Variants in NRAP observed in about 807,000 individuals in gnomAD.
NRAP encodes the protein nebulin-related-anchoring protein.
NRAP carries 189 observed loss-of-function variants against 225.9 expected under a neutral mutation model. That is an observed-to-expected ratio of 0.84 (90% CI 0.74 to 0.94). The LOEUF (loss-of-function observed/expected upper bound fraction) is 0.94. Ranked by LOEUF, NRAP falls within the 40% of genes least tolerant of loss-of-function variation. The pLI, the probability that NRAP is intolerant of heterozygous loss-of-function variation, is 0.00. For synonymous variants in NRAP, 769 were observed against 790.7 expected (o/e 0.97, Z 0.46); for missense variants, 2,176 against 2,168.7 (o/e 1.00, Z -0.07).
chr10:113,631,552 G>C lies in NRAP; in HGVS notation c.1799C>G (p.Ser600Cys). The change falls in exon 18 of 42, where the codon TCT becomes TGT. Residue 600 changes from serine to cysteine, a missense_variant. By Grantham distance (112) the Ser-to-Cys change is moderately radical. Transcript: ENST00000359988. ...AATCTGCAGGGAGTGCAGAAGCCTA[G>C]AGTCGGCTGTTCCCATGGCTTTGCC... ...TKGKAMGTAD[S>C]RLLHSLQIAK... is the part of the protein sequence containing the mutation. 1 of 1,613,332 alleles carries C rather than the reference G, an allele frequency of 6.2e-7. No individual in the cohort carries two copies. Among genetic ancestry groups the C allele is most frequent in the Non-Finnish European group, 8.5e-7 (1 of 1,179,508 alleles).
At position 113,615,771 on chromosome 10, in the gene NRAP, G is replaced by A; in HGVS notation, c.3019C>T (p.Pro1007Ser). 1 of 1,610,866 alleles carries A rather than the reference G, an allele frequency of 6.2e-7. No homozygotes were observed. Among genetic ancestry groups the A allele is most frequent in the Non-Finnish European group, 8.5e-7 (1 of 1,177,042 alleles). ...QGENIKHHYTPTADLPEVLLA... is the reference protein window; with the variant it reads ...QGENIKHHYTSTADLPEVLLA... ...AGGACTTCAGGGAGGTCAGCAGTCG[G>A]TGTGTAATGATGCTTTATGTTTTCT... is the stretch of plus-strand genomic sequence containing the variant. The change falls in exon 27 of 42, where the codon CCG becomes TCG. Residue 1007 changes from proline to serine, a missense_variant. By Grantham distance (74) the Pro-to-Ser change is moderately conservative (BLOSUM62 -1). This residue lies in a region of NRAP where 1,708 missense variants were observed against 1,695.5 expected (regional missense o/e 1.01). Coordinates refer to ENST00000359988, the MANE Select transcript of NRAP (RefSeq NM_198060.4).
rs80100673 is a variant in NRAP at position 113,629,877 on chromosome 10, C to T, written c.1843-92G>A. 449 of 870,544 alleles carry T rather than the reference C, an allele frequency of 5.2e-4. 5 individuals are homozygous for T. The East Asian group carries it at 9.4e-3, about 18-fold the overall frequency. The allele number at this position is 870,544 out of a possible 1,614,324, so 53.9% of individuals were successfully genotyped here. A position where few individuals can be genotyped will look rare whatever the true frequency, so the allele number is the denominator to read the frequency against. The stretch of plus-strand genomic sequence containing the variant: ...AATGCAGGAAAGATTTCCGGGCTTT[C>T]GGGAGCAGGAGAATCGGCACTCTGG... On this transcript the variant is annotated intron_variant, in intron 18 of 41. Transcript: ENST00000359988.
intron 14 of NRAP, among the ~76,000 whole-genome samples, chr10:113,634,422 GA>G (rs1848747260): frequency 6.6e-6 from 1 of 152,304 alleles, no homozygotes; most frequent in East Asian, 1.9e-4. Flanking sequence ...ACTCATAAAA[GA>G]GGTGAATTAA....
intron 14 of NRAP, 49 bp downstream of exon 14, chr10:113,640,178 A>T: frequency 9.4e-7 from 1 of 1,058,432 alleles, no homozygotes; most frequent in East Asian, 2.4e-5. Context: ...CTCCTCAGGA[A>T]GGAAGCGACA....
Position 113,604,889 on chromosome 10 carries a change from C to T in NRAP, c.3947G>A (p.Arg1316Gln), listed in dbSNP as rs773168615. Residue 1316 changes from arginine to glutamine, a missense_variant, in exon 35 of 42, where the codon CGA (arginine) becomes CAA (glutamine). Physicochemically the swap from Arg to Gln is conservative, Grantham distance 43. Transcript: ENST00000359988. Reference sequence around the variant, plus strand: ...ACTCTGGGGCCCTATGAGTTTCCCTCGCTCCTTCACAAAGTCATGTCTGTA... The same window carrying T: ...ACTCTGGGGCCCTATGAGTTTCCCTTGCTCCTTCACAAAGTCATGTCTGTA... The part of the protein sequence containing the change: ...FLYRHDFVKE[R>Q]GKLIGPQSVR... 67 of 1,613,710 alleles carry T rather than the reference C, an allele frequency of 4.2e-5. No homozygotes were observed. In the Middle Eastern group the frequency reaches 4.9e-4, roughly 12 times the overall value.
Position 113,626,263 on chromosome 10 carries a change from A to G in NRAP, c.2146-118T>C, listed in dbSNP as rs1193222311. 5.8e-6 allele frequency: 4 copies of G among 688,198 alleles called. No homozygotes were observed. The African/African-American group carries it at 7.2e-5, about 12-fold the overall frequency. 42.6% of individuals were successfully genotyped at this position (688,198 alleles called of 1,614,324 possible). ...GTGGTCCAAGCATTTCCTTGGGAGG[A>G]ATGTTCTAGTTGTTCCTGCAGCTTG... is the stretch of plus-strand genomic sequence containing the variant. On this transcript the variant is annotated intron_variant, in intron 20 of 41. Coordinates refer to ENST00000359988, the MANE Select transcript of NRAP (RefSeq NM_198060.4).
chr10:113,591,442 C>A (rs1255120553), intron 39 of NRAP, among the ~76,000 whole-genome samples: 2 of 152,220 alleles, frequency 1.3e-5, no homozygotes, highest in Admixed American at 6.5e-5. Context: ...TTTGGTAACA[C>A]CCAACCTGGC....
chr10:113,661,633 T>C (rs898332335), intron 3 of NRAP, among the ~76,000 whole-genome samples: 2 of 152,180 alleles, frequency 1.3e-5, no homozygotes, highest in Non-Finnish European at 2.9e-5. Context: ...ATCATTTTAA[T>C]AGGTGCAAGA....
At chr10:113,599,418 A>C (rs1846469506) in intron 35 of NRAP, among the ~76,000 whole-genome samples, 1 of 152,250 alleles carries the variant, frequency 6.6e-6, no homozygotes, top group Admixed American at 6.5e-5. Context: ...ACTCTGATAA[A>C]GAACAGAGAA....
intron 29 of NRAP, among the ~76,000 whole-genome samples, chr10:113,613,016 G>A (rs561362285): frequency 5.3e-5 from 8 of 152,190 alleles, no homozygotes; most frequent in African/African-American, 1.4e-4. Context: ...CCATAGATTC[G>A]ACTATAGTCC....
At chr10:113,590,288 C>A (rs11575793) in intron 40 of NRAP, among the ~76,000 whole-genome samples, 14 of 152,204 alleles carry the variant, frequency 9.2e-5, no homozygotes, top group African/African-American at 3.4e-4. Flanking sequence ...GTCACTGAAC[C>A]TCTCTGAGCC....
At chr10:113,655,438 G>A (rs1244292887) in intron 4 of NRAP, among the ~76,000 whole-genome samples, 2 of 144,592 alleles carry the variant, frequency 1.4e-5, no homozygotes, top group African/African-American at 5.2e-5. Flanking sequence ...AGGATAGTAT[G>A]GTATTGTACA....
chr10:113,636,790 C>T (rs769570374), intron 14 of NRAP, among the ~76,000 whole-genome samples: 1 of 152,064 alleles, frequency 6.6e-6, no homozygotes, highest in Non-Finnish European at 1.5e-5. Context: ...AGGAGGATCA[C>T]GAGGTAGGGA....
chr10:113,590,563 G>A lies in NRAP; in HGVS notation c.4956+15C>T, dbSNP rs1267119793. 3 of 1,603,860 alleles carry A rather than the reference G, an allele frequency of 1.9e-6. No individual in the cohort carries two copies. Among genetic ancestry groups the A allele is most frequent in the South Asian group, 2.2e-5 (2 of 90,974 alleles). ...CAGGGGAAGGGCCTCAAGGGAGTGG[G>A]TGGAGGTGGCTCACATCACTCTGCA... is the stretch of plus-strand genomic sequence containing the variant. On this transcript the variant is annotated intron_variant, in intron 40 of 41. Transcript: ENST00000359988.
intron 21 of NRAP, 58 bp from the exon 22 acceptor site, chr10:113,624,988 G>T: frequency 1.9e-6 from 2 of 1,032,250 alleles, no homozygotes; most frequent in Non-Finnish European, 3.1e-6. Flanking sequence ...GGGCAGGGTG[G>T]CATCCCTCAT....
chr10:113,619,006 C>T (rs1464384080), intron 25 of NRAP, among the ~76,000 whole-genome samples: 1 of 152,150 alleles, frequency 6.6e-6, no homozygotes, highest in Non-Finnish European at 1.5e-5. Context: ...GTAAATGTGA[C>T]AGCCTAAAAT....
At position 113,595,681 on chromosome 10, in the gene NRAP, A is replaced by G; in HGVS notation, c.4478T>C (p.Leu1493Pro). Residue 1493 changes from leucine (L) to proline (P), a missense_variant, in exon 38 of 42, where the codon CTG becomes CCG. By Grantham distance (98) the Leu-to-Pro change is moderately conservative. Transcript: ENST00000359988. ...GGTGAAATCGGGATGGTCGGGGATC[A>G]GGGTGTATCTGTGCAGGGATTCTGC... ...GDAESLHRYTLIPDHPDFTRA... is the reference protein window; with the variant it reads ...GDAESLHRYTPIPDHPDFTRA... 1 of 1,613,982 alleles carries G rather than the reference A, an allele frequency of 6.2e-7. No homozygotes were observed. Among genetic ancestry groups the G allele is most frequent in the Non-Finnish European group, 8.5e-7 (1 of 1,179,818 alleles).
intron 35 of NRAP, among the ~76,000 whole-genome samples, chr10:113,602,850 G>A (rs891222743): frequency 7.9e-5 from 12 of 152,122 alleles, no homozygotes; most frequent in Non-Finnish European, 1.6e-4. Flanking sequence ...GATTCTCAAC[G>A]GGGGATAACT....
At chr10:113,657,711 T>C in intron 3 of NRAP, 137 bp from the exon 4 acceptor site, 1 of 652,828 alleles carries the variant, frequency 1.5e-6, no homozygotes, top group Non-Finnish European at 2.7e-6. Flanking sequence ...CAAGGCACAC[T>C]GTGCTGTCAG....
Sources: gnomAD v4.1 joint callset for allele counts (sites outside exome capture counted in the v4.1 genomes callset) on GRCh38, gnomAD v4.1.1 for gene constraint, gnomAD v4.1.1 regional missense constraint, MANE v1.5 for transcripts, NCBI Gene and HGNC (gene_info 2026-07-23, HGNC 2026-07-21) for gene names.